LTAP1: variants seen among roughly 807,000 people sequenced by gnomAD.
LTAP1 encodes HCV NS5A-transactivated protein 4.
At chr1:154,220,420 T>C in the LTAP1 span, 1 of 1,614,136 alleles carries the variant, frequency 6.2e-7, no homozygotes, top group South Asian at 1.1e-5. Context: ...CCTCCCTACC[T>C]CGCGCAGAAT....
the LTAP1 span, among the ~76,000 whole-genome samples, chr1:154,218,467 A>G: frequency 6.6e-6 from 1 of 152,172 alleles, no homozygotes; most frequent in African/African-American, 2.4e-5. Context: ...GGCAGGCAGG[A>G]CTGTTAAGGT....
chr1:154,209,070 AT>A, the LTAP1 span, among the ~76,000 whole-genome samples: 1 of 152,206 alleles, frequency 6.6e-6, no homozygotes, highest in South Asian at 2.1e-4. Context: ...TTTTAAAAAG[AT>A]TGTGGTAAAA....
the LTAP1 span, chr1:154,214,410 G>A: frequency 3.2e-6 from 4 of 1,236,368 alleles, no homozygotes; most frequent in African/African-American, 4.5e-5. Context: ...AGGAATTCTG[G>A]ACTTGTGGGA....
the LTAP1 span, among the ~76,000 whole-genome samples, chr1:154,209,605 G>A: frequency 2.6e-5 from 4 of 151,296 alleles, no homozygotes; most frequent in Admixed American, 6.6e-5. Context: ...ATTTTTTTTC[G>A]AGATGGAGTC....
At chr1:154,211,791 T>C in the LTAP1 span, 1 of 154,376 alleles carries the variant, frequency 6.5e-6, no homozygotes, top group Admixed American at 6.4e-5. Flanking sequence ...ACAAGAAAAA[T>C]GCACACAAGA....
chr1:154,212,955 G>A, the LTAP1 span, among the ~76,000 whole-genome samples: 3 of 152,118 alleles, frequency 2.0e-5, no homozygotes, highest in African/African-American at 7.2e-5. Context: ...TTACAGGCAT[G>A]AGCCACTGCG....
chr1:154,212,924 C>T, the LTAP1 span, among the ~76,000 whole-genome samples: 49 of 152,084 alleles, frequency 3.2e-4, no homozygotes, highest in African/African-American at 8.2e-4. Context: ...CTGTCTGCCT[C>T]GCCCTCCCAA....
At chr1:154,214,081 C>T in the LTAP1 span, 2 of 699,802 alleles carry the variant, frequency 2.9e-6, no homozygotes, top group African/African-American at 1.8e-5. Flanking sequence ...AGTTTGAGAC[C>T]AGCCTGACCA....
the LTAP1 span, chr1:154,212,662 CT>C: frequency 1.2e-6 from 2 of 1,610,076 alleles, no homozygotes. Flanking sequence ...TCTTCTCATT[CT>C]TTAGTCTTTT....
chr1:154,208,817 C>T, the LTAP1 span, among the ~76,000 whole-genome samples: 2 of 152,208 alleles, frequency 1.3e-5, no homozygotes, highest in African/African-American at 4.8e-5. Context: ...GTGGCACAAT[C>T]TTGGCTCACT....
At chr1:154,220,369 G>C in the LTAP1 span, 3 of 1,614,238 alleles carry the variant, frequency 1.9e-6, no homozygotes, top group South Asian at 2.2e-5. Flanking sequence ...TCACCAGCAC[G>C]ACATTCACCC....
chr1:154,208,752 T>C, the LTAP1 span, among the ~76,000 whole-genome samples: 2 of 152,158 alleles, frequency 1.3e-5, no homozygotes, highest in East Asian at 1.9e-4. Flanking sequence ...AAATCAAACA[T>C]AATTTTTTGT....
the LTAP1 span, chr1:154,212,348 G>C: frequency 6.2e-7 from 1 of 1,614,170 alleles, no homozygotes; most frequent in Non-Finnish European, 8.5e-7. Flanking sequence ...AGGGCCTCCT[G>C]ATAGCGTAGG....
chr1:154,212,660 T>C, the LTAP1 span: 3 of 1,610,858 alleles, frequency 1.9e-6, no homozygotes, highest in Admixed American at 5.0e-5. Context: ...TCTCTTCTCA[T>C]TCTTTAGTCT....
At chr1:154,208,304 G>T in the LTAP1 span, among the ~76,000 whole-genome samples, 3 of 152,094 alleles carry the variant, frequency 2.0e-5, no homozygotes, top group African/African-American at 7.2e-5. Context: ...GCTGAGGCAG[G>T]AGGATCGCTT....
At chr1:154,215,740 AG>A in the LTAP1 span, among the ~76,000 whole-genome samples, 1 of 152,230 alleles carries the variant, frequency 6.6e-6, no homozygotes, top group African/African-American at 2.4e-5. Context: ...CACAAAATAC[AG>A]GTAACATAGA....
chr1:154,207,721 T>C, the LTAP1 span: 11 of 1,235,192 alleles, frequency 8.9e-6, no homozygotes, highest in Non-Finnish European at 1.3e-5. Flanking sequence ...TCCCAGGCCA[T>C]AAATGCAGCA....
At chr1:154,220,519 T>C in the LTAP1 span, 11 of 1,220,660 alleles carry the variant, frequency 9.0e-6, no homozygotes, top group South Asian at 1.3e-4. Flanking sequence ...CCCGGCCATT[T>C]CCTTACGGGG....
At chr1:154,213,635 C>T in the LTAP1 span, among the ~76,000 whole-genome samples, 1 of 152,218 alleles carries the variant, frequency 6.6e-6, no homozygotes, top group East Asian at 1.9e-4. Flanking sequence ...AAGCAAATTA[C>T]TATCATCTAC....
Sources: allele counts gnomAD v4.1 joint callset (sites outside exome capture counted in the v4.1 genomes callset), GRCh38; gene constraint gnomAD v4.1.1; transcripts MANE v1.5; gene names NCBI Gene and HGNC (gene_info 2026-07-23, HGNC 2026-07-21).